BRCA1: variants seen among roughly 807,000 people sequenced by gnomAD.
BRCA1 encodes BRCA1 DNA repair associated.
A neutral mutation model predicts 173.7 loss-of-function variants in BRCA1; 140 were observed. The ratio of observed to expected loss-of-function variants is 0.81; its 90% confidence interval spans 0.70 to 0.93. BRCA1 has a LOEUF of 0.93. Ranked by LOEUF, BRCA1 falls within the 40% of genes least tolerant of loss-of-function variation. The pLI is 0.00. For synonymous variants in BRCA1, 662 were observed against 756.0 expected (o/e 0.88, Z 2.04); for missense variants, 1,983 against 2,172.5 (o/e 0.91, Z 1.73).
chr17:43,168,420 C>A (rs1041025658), intron 1 of BRCA1, among the ~76,000 whole-genome samples: 7 of 152,184 alleles, frequency 4.6e-5, no homozygotes, highest in African/African-American at 1.4e-4. Flanking sequence ...GGCGGATGAC[C>A]TGAGGTCGGG....
chr17:43,139,949 A>G (rs764772844), intron 1 of BRCA1: 1 of 494,636 alleles, frequency 2.0e-6, no homozygotes, highest in Admixed American at 2.2e-5. Context: ...GGATTCCTAA[A>G]TCCCTTGGAA....
Position 43,092,368 on chromosome 17 carries a change from C to T in BRCA1, c.3163G>A (p.Gly1055Ser), listed in dbSNP as rs749417532. 1 of 1,613,876 alleles carries T rather than the reference C, an allele frequency of 6.2e-7. No homozygotes were observed. Among genetic ancestry groups the T allele is most frequent in the Admixed American group, 1.7e-5 (1 of 60,016 alleles). The part of the protein sequence containing the change: ...NEVGSSTNEV[G>S]SSINEIGSSD... Reference sequence around the variant, plus strand: ...GAACCTATTTCATTAATACTGGAGCCCACTTCATTAGTACTGGAACCTACT... The same window carrying T: ...GAACCTATTTCATTAATACTGGAGCTCACTTCATTAGTACTGGAACCTACT... The change falls in exon 10 of 23, where the codon GGC becomes AGC. Residue 1055 changes from glycine to serine, a missense_variant. Transcript: ENST00000357654.
intron 14 of BRCA1, 97 bp downstream of exon 14, chr17:43,074,234 G>T: frequency 8.0e-7 from 1 of 1,252,690 alleles, no homozygotes; most frequent in Non-Finnish European, 1.2e-6. Flanking sequence ...GTCCATGATA[G>T]ACTAGTACAT....
At chr17:43,074,840 G>A (rs1228496431) in intron 13 of BRCA1, among the ~76,000 whole-genome samples, 1 of 151,886 alleles carries the variant, frequency 6.6e-6, no homozygotes, top group Non-Finnish European at 1.5e-5. Context: ...AAAATTGCTT[G>A]AACCTGGGAG....
intron 20 of BRCA1, among the ~76,000 whole-genome samples, chr17:43,050,637 T>G (rs2051170879): frequency 6.6e-6 from 1 of 150,664 alleles, no homozygotes; most frequent in Non-Finnish European, 1.5e-5. Flanking sequence ...AAAGAAATGT[T>G]CACCGAGAAT....
rs2050777098 is a variant in BRCA1 at position 43,044,300 on chromosome 17, G to C, written c.*1378C>G. On this transcript the variant is annotated 3_prime_UTR_variant, in exon 23 of 23. Transcript: ENST00000357654. ...TCAAGAACAGTCATTCATGGTGGAA[G>C]TGTTTGCTACCAAGTTTATTTGCAG... 1 of 471,118 alleles carries C rather than the reference G, an allele frequency of 2.1e-6. No individual in the cohort carries two copies. Among genetic ancestry groups the C allele is most frequent in the Admixed American group, 2.4e-5 (1 of 41,308 alleles). The allele number at this position is 471,118 out of a possible 1,614,324, so 29.2% of individuals were successfully genotyped here. A position where few individuals can be genotyped will look rare whatever the true frequency, so the allele number is the denominator to read the frequency against.
At chr17:43,103,966 G>C (rs1243568368) in intron 6 of BRCA1, among the ~76,000 whole-genome samples, 156 bp downstream of exon 6, 2 of 151,516 alleles carry the variant, frequency 1.3e-5, no homozygotes, top group East Asian at 3.9e-4. Context: ...AATTAGCCTG[G>C]CATGGTGGCG....
At chr17:43,162,329 T>C (rs2056241619) in intron 1 of BRCA1, 1 of 152,236 alleles carries the variant, frequency 6.6e-6, no homozygotes, top group African/African-American at 2.4e-5. Flanking sequence ...AACTTATTAC[T>C]ATTAATGACA....
Position 43,094,423 on chromosome 17 carries a change from C to G in BRCA1, c.1108G>C (p.Val370Leu), listed in dbSNP as rs1567800850. 1 of 1,613,852 alleles carries G rather than the reference C, an allele frequency of 6.2e-7. No homozygotes were observed. The highest frequency in any genetic ancestry group is 8.5e-7 in the Non-Finnish European group (1 of 1,179,730). Residue 370 changes from valine (V) to leucine (L), a missense_variant, in exon 10 of 23, where the codon GTT becomes CTT. Val to Leu is a conservative substitution (Grantham distance 32, BLOSUM62 1). Coordinates refer to ENST00000357654, the MANE Select transcript of BRCA1 (RefSeq NM_007294.4). ...CTGCTATTTAGTGTTATCCAAGGAA[C>G]ATCTTCAGTATCTCTAGGATTCTCT... ...CSENPRDTED[V>L]PWITLNSSIQ... is the part of the protein sequence containing the mutation.
intron 1 of BRCA1, among the ~76,000 whole-genome samples, chr17:43,159,082 CACAA>C (rs1170181543): frequency 2.0e-5 from 3 of 150,064 alleles, no homozygotes; most frequent in Admixed American, 6.6e-5. Flanking sequence ...CAAACACACA[CACAA>C]ACACACACAC....
At chr17:43,139,660 C>T (rs1038435073) in intron 1 of BRCA1, among the ~76,000 whole-genome samples, 2 of 151,974 alleles carry the variant, frequency 1.3e-5, no homozygotes, top group Non-Finnish European at 2.9e-5. Flanking sequence ...GGCCAGTACC[C>T]AGTAGTTTTT....
rs80356838 is a variant in BRCA1, at chr17:43,093,650, G to A, written c.1881C>T (p.Val627=). 25 of 1,614,030 alleles carry A rather than the reference G, an allele frequency of 1.5e-5. No individual in the cohort carries two copies. Among genetic ancestry groups the A allele is most frequent in the Non-Finnish European group, 2.0e-5 (24 of 1,179,988 alleles). ...AATTAGGTGGGCTTAGATTTCTACT[G>A]ACTACTAGTTCAAGCGCATGAATAT... ...TRHIHALELV[V]SRNLSPPNCT... Residue 627 remains valine (V), a synonymous_variant, in exon 10 of 23, where the codon GTC becomes GTT. Coordinates refer to ENST00000357654, the MANE Select transcript of BRCA1 (RefSeq NM_007294.4).
At chr17:43,059,898 C>CTAT (rs751755637) in intron 18 of BRCA1, among the ~76,000 whole-genome samples, 66 of 151,738 alleles carry the variant, frequency 4.3e-4, no homozygotes, top group African/African-American at 9.9e-4. Context: ...CTACACTGGC[C>CTAT]TATTATTATT....
At chr17:43,086,608 T>C (rs2053240693) in intron 11 of BRCA1, among the ~76,000 whole-genome samples, 1 of 152,152 alleles carries the variant, frequency 6.6e-6, no homozygotes, top group Admixed American at 6.5e-5. Flanking sequence ...GACACATCTC[T>C]GGGAATAAGA....
At position 43,066,690 on chromosome 17, in the gene BRCA1, C is replaced by T. The variant is rs8176238; in HGVS notation, c.5074+918G>A. Reference sequence around the variant, plus strand: ...TCCCAAAGTGCTGGGATTACTGATGCGAGCCACCGCGTCCAGCTGCCTCAC... The same window carrying T: ...TCCCAAAGTGCTGGGATTACTGATGTGAGCCACCGCGTCCAGCTGCCTCAC... On this transcript the variant is annotated intron_variant, in intron 16 of 22. Transcript: ENST00000357654. Among the ~76,000 whole-genome samples, 2,138 of 149,750 alleles carry T rather than the reference C, an allele frequency of 0.014. 67 individuals carry two copies. Among genetic ancestry groups the T allele is most frequent in the African/African-American group, 0.05 (2,050 of 40,770 alleles).
At chr17:43,155,151 T>C (rs2056188780) in intron 1 of BRCA1, among the ~76,000 whole-genome samples, 2 of 152,110 alleles carry the variant, frequency 1.3e-5, no homozygotes, top group Admixed American at 1.3e-4. Flanking sequence ...ATTTTAAATC[T>C]TTAGCTTTAT....
chr17:43,104,070 GA>G lies in BRCA1; in HGVS notation c.441+51del, dbSNP rs921962743. 5.5e-3 allele frequency: 3,837 copies of G among 703,890 alleles called. 5 individuals carry two copies. The highest frequency in any genetic ancestry group is 6.8e-3 in the Non-Finnish European group (3,384 of 500,188). 43.6% of individuals were successfully genotyped at this position (703,890 alleles called of 1,614,324 possible). ...AAGACTCCATCTCAAAAAAAAAAAA[GA>G]AAAAAAAAAGAAAAGAAGAAGAAGA... On this transcript the variant is annotated intron_variant, in intron 6 of 22. Coordinates refer to ENST00000357654, the MANE Select transcript of BRCA1 (RefSeq NM_007294.4).
chr17:43,064,827 A>ATTTTT (rs60879064), intron 16 of BRCA1, among the ~76,000 whole-genome samples: 2 of 106,696 alleles, frequency 1.9e-5, no homozygotes, highest in Non-Finnish European at 1.8e-5. Context: ...TTTGATTTGC[A>ATTTTT]TTTTTTTTTT....
At chr17:43,110,966 T>C (rs560073798) in intron 3 of BRCA1, among the ~76,000 whole-genome samples, 1 of 151,816 alleles carries the variant, frequency 6.6e-6, no homozygotes, top group African/African-American at 2.4e-5. Context: ...CCATGCATGG[T>C]GGTGCACGCC....
Sources: gnomAD v4.1 joint callset for allele counts (sites outside exome capture counted in the v4.1 genomes callset) on GRCh38, gnomAD v4.1.1 for gene constraint, MANE v1.5 for transcripts, NCBI Gene and HGNC (gene_info 2026-07-23, HGNC 2026-07-21) for gene names.